The following NTM variants were observed in gnomAD, a reference collection of about 807,000 sequenced individuals.
NTM encodes the protein IgLON family member 2.
A neutral mutation model predicts 42.1 loss-of-function variants in NTM; 13 were observed. That is an observed-to-expected ratio of 0.31 (90% CI 0.20 to 0.49). The LOEUF (loss-of-function observed/expected upper bound fraction) is 0.49. NTM is among the 20% of genes least tolerant of loss of function. The pLI is 0.99. For synonymous variants in NTM, 187 were observed against 179.2 expected (o/e 1.04, Z -0.35); for missense variants, 373 against 452.8 (o/e 0.82, Z 1.60).
At chr11:131,837,676 C>G (rs569554987) in intron 1 of NTM, among the ~76,000 whole-genome samples, 1 of 152,256 alleles carries the variant, frequency 6.6e-6, no homozygotes, top group Admixed American at 6.5e-5. Flanking sequence ...TCAACGGGCC[C>G]CAACTCCTGG....
At chr11:131,658,637 C>G (rs1250272361) in intron 1 of NTM, among the ~76,000 whole-genome samples, 1 of 152,184 alleles carries the variant, frequency 6.6e-6, no homozygotes, top group Admixed American at 6.6e-5. Flanking sequence ...TGCCCAGATG[C>G]AAAGCCACAG....
intron 4 of NTM, among the ~76,000 whole-genome samples, chr11:132,307,149 A>G (rs991230173): frequency 6.6e-6 from 1 of 152,152 alleles, no homozygotes; most frequent in African/African-American, 2.4e-5. Flanking sequence ...TATCCAATTA[A>G]TTGTCTGAGT....
chr11:132,182,014 C>T lies in NTM; in HGVS notation c.401-30008C>T, dbSNP rs377343789. Among the ~76,000 whole-genome samples, 41 of 147,604 alleles carry T rather than the reference C, an allele frequency of 2.8e-4. 1 individual carries two copies. Among genetic ancestry groups the T allele is most frequent in the East Asian group, 2.4e-3 (12 of 5,088 alleles). ...TTATTTTAATCTAGGAAGGGTGTTC[C>T]GATTCTGGGTAGTAGCTTAAAGGAA... On this transcript the variant is annotated intron_variant, in intron 3 of 8. Coordinates refer to ENST00000683400, the MANE Select transcript of NTM (RefSeq NM_001352005.2).
At chr11:132,313,784 C>T (rs1260546033) in intron 6 of NTM, among the ~76,000 whole-genome samples, 3 of 152,222 alleles carry the variant, frequency 2.0e-5, no homozygotes, top group African/African-American at 7.2e-5. Flanking sequence ...CTAACTAACT[C>T]CCTGTGGCAT....
intron 7 of NTM, among the ~76,000 whole-genome samples, chr11:132,328,768 A>G (rs2095739836): frequency 6.6e-6 from 1 of 152,060 alleles, no homozygotes; most frequent in South Asian, 2.1e-4. Flanking sequence ...AGAGAGGATC[A>G]AAAATCACCG....
At chr11:132,280,475 C>CT (rs138697534) in intron 4 of NTM, among the ~76,000 whole-genome samples, 1,947 of 82,370 alleles carry the variant, frequency 0.024, 167 homozygotes, top group Non-Finnish European at 0.034. Context: ...ATACTCTCTT[C>CT]TTTTTTTTTT....
intron 2 of NTM, among the ~76,000 whole-genome samples, chr11:131,956,069 C>G (rs1340574868): frequency 6.6e-6 from 1 of 152,142 alleles, no homozygotes; most frequent in African/African-American, 2.4e-5. Context: ...TGTCTGCTAC[C>G]CGGTGTCAGG....
At chr11:131,791,403 A>G (rs1591880787) in intron 1 of NTM, among the ~76,000 whole-genome samples, 1 of 152,334 alleles carries the variant, frequency 6.6e-6, no homozygotes, top group East Asian at 1.9e-4. Context: ...TATTAAATGT[A>G]ATGAGTGAGT....
At chr11:131,568,020 C>G (rs139149900) in intron 1 of NTM, among the ~76,000 whole-genome samples, 40 of 152,286 alleles carry the variant, frequency 2.6e-4, no homozygotes, top group Middle Eastern at 3.4e-3. Flanking sequence ...CTACTGAAAC[C>G]GCATCATCAG....
chr11:131,561,515 C>G (rs1366003186), intron 1 of NTM, among the ~76,000 whole-genome samples: 2 of 152,198 alleles, frequency 1.3e-5, no homozygotes. Flanking sequence ...ACTCTTGAGA[C>G]ACTCATTGTG....
chr11:131,448,323 T>C (rs1466962727), intron 1 of NTM, among the ~76,000 whole-genome samples: 4 of 152,104 alleles, frequency 2.6e-5, no homozygotes, highest in Non-Finnish European at 5.9e-5. Flanking sequence ...CCACCAATAA[T>C]TTTTCTGCCC....
intron 7 of NTM, among the ~76,000 whole-genome samples, chr11:132,317,442 G>A (rs1023932302): frequency 7.2e-5 from 11 of 152,102 alleles, no homozygotes; most frequent in Non-Finnish European, 1.0e-4. Context: ...TCCCAGTCAC[G>A]GCATTCAATA....
chr11:131,916,789 G>A (rs539168510), intron 2 of NTM, among the ~76,000 whole-genome samples: 15 of 152,258 alleles, frequency 9.9e-5, no homozygotes, highest in African/African-American at 2.4e-4. Context: ...AATAAAATCC[G>A]AAGGACTCTC....
chr11:131,715,709 A>T (rs1050385759), intron 1 of NTM, among the ~76,000 whole-genome samples: 20 of 151,992 alleles, frequency 1.3e-4, no homozygotes, highest in Non-Finnish European at 2.5e-4. Flanking sequence ...GTCACCATAG[A>T]TTCATTTGCA....
At chr11:132,018,187 TC>T (rs1204191896) in intron 2 of NTM, among the ~76,000 whole-genome samples, 8 of 151,694 alleles carry the variant, frequency 5.3e-5, no homozygotes, top group Non-Finnish European at 4.4e-5. Context: ...CTGTCCTTTC[TC>T]CCTCCCTCAT....
intron 1 of NTM, among the ~76,000 whole-genome samples, chr11:131,734,653 T>A (rs537488691): frequency 2.0e-5 from 3 of 152,132 alleles, no homozygotes; most frequent in African/African-American, 7.2e-5. Flanking sequence ...GTAGCTACAC[T>A]ATCAATACCC....
At chr11:132,067,986 T>G (rs1189183900) in intron 2 of NTM, among the ~76,000 whole-genome samples, 1 of 152,210 alleles carries the variant, frequency 6.6e-6, no homozygotes, top group African/African-American at 2.4e-5. Context: ...GTATGTGTCA[T>G]AGGGATTCAT....
chr11:131,812,768 C>T (rs912313583), intron 1 of NTM, among the ~76,000 whole-genome samples: 5 of 151,968 alleles, frequency 3.3e-5, no homozygotes, highest in East Asian at 3.9e-4. Flanking sequence ...CAAGGGAGGC[C>T]GAAGTGGAGA....
At chr11:131,821,889 G>T (rs2093205257) in intron 1 of NTM, among the ~76,000 whole-genome samples, 1 of 152,182 alleles carries the variant, frequency 6.6e-6, no homozygotes, top group Non-Finnish European at 1.5e-5. Context: ...TTACCCCAAA[G>T]AGGCTAGTAA....
Sources: allele counts gnomAD v4.1 joint callset (sites outside exome capture counted in the v4.1 genomes callset), GRCh38; gene constraint gnomAD v4.1.1; transcripts MANE v1.5; gene names NCBI Gene and HGNC (gene_info 2026-07-23, HGNC 2026-07-21).